Variants in EPHB1 observed in about 807,000 individuals in gnomAD.
The protein encoded by EPHB1 is ephrin type-B receptor 1.
EPHB1 carries 30 observed loss-of-function variants against 94.4 expected under a neutral mutation model. The observed-to-expected ratio is 0.32, with a 90% CI of 0.24 to 0.43. The LOEUF (loss-of-function observed/expected upper bound fraction) is 0.43. Ranked by LOEUF, EPHB1 falls within the 20% of genes least tolerant of loss-of-function variation. The probability of loss-of-function intolerance (pLI) is 1.00; values close to 1 mark genes in which losing one functional copy is unlikely to be tolerated. For synonymous variants in EPHB1, 522 were observed against 489.1 expected (o/e 1.07, Z -0.89); for missense variants, 1,055 against 1,308.3 (o/e 0.81, Z 2.99).
At chr3:134,826,961 G>A (rs2036491533) in intron 1 of EPHB1, among the ~76,000 whole-genome samples, 1 of 152,230 alleles carries the variant, frequency 6.6e-6, no homozygotes, top group East Asian at 1.9e-4. Context: ...CATAGTGCAT[G>A]CAATAGGTTC....
rs755407834 is a variant in EPHB1, at chr3:135,201,453, G to A, written c.2131-21G>A. 5.0e-6 allele frequency: 8 copies of A among 1,612,968 alleles called. No homozygotes were observed. In the African/African-American group the frequency reaches 9.3e-5, roughly 19 times the overall value. ...CATTGAAGCCCGTCTTGATCCCAAT[G>A]CCCTCTATGTCTTATTACAGCAAAA... On this transcript the variant is annotated intron_variant, in intron 11 of 15. Coordinates refer to ENST00000398015, the MANE Select transcript of EPHB1 (RefSeq NM_004441.5).
At chr3:134,822,598 T>C (rs1468180501) in intron 1 of EPHB1, among the ~76,000 whole-genome samples, 1 of 152,232 alleles carries the variant, frequency 6.6e-6, no homozygotes, top group Non-Finnish European at 1.5e-5. Flanking sequence ...GTTCTATTGG[T>C]GAGCAAAGAC....
intron 11 of EPHB1, among the ~76,000 whole-genome samples, chr3:135,198,706 C>T (rs891482310): frequency 2.0e-5 from 3 of 152,186 alleles, no homozygotes; most frequent in Non-Finnish European, 1.5e-5. Context: ...GTTACTTAGG[C>T]TCTGCTGATG....
chr3:134,869,318 G>A (rs1365848966), intron 1 of EPHB1, among the ~76,000 whole-genome samples: 2 of 152,178 alleles, frequency 1.3e-5, no homozygotes, highest in East Asian at 3.8e-4. Context: ...GTTTCTTGTT[G>A]CACCTCTGTT....
chr3:134,875,544 C>T (rs1272305268), intron 1 of EPHB1, among the ~76,000 whole-genome samples: 1 of 152,086 alleles, frequency 6.6e-6, no homozygotes, highest in Non-Finnish European at 1.5e-5. Context: ...CTGTTCTGCC[C>T]CAAGCCTCCA....
At chr3:135,251,415 C>T (rs1386473619) in intron 15 of EPHB1, among the ~76,000 whole-genome samples, 4 of 152,050 alleles carry the variant, frequency 2.6e-5, no homozygotes, top group Admixed American at 6.5e-5. Context: ...GCCATTGTCA[C>T]GTAATCCCCC....
chr3:134,942,309 C>G (rs73861887), intron 2 of EPHB1, among the ~76,000 whole-genome samples: 2 of 151,480 alleles, frequency 1.3e-5, no homozygotes, highest in South Asian at 4.2e-4. Context: ...AAAACTCATA[C>G]GAGCAGGGGA....
In EPHB1 at chr3:134,998,944, A is replaced by G. The variant is rs1336429601; in HGVS notation, c.805+46892A>G. On this transcript the variant is annotated intron_variant, in intron 3 of 15. Transcript: ENST00000398015. ...ACAGGAGGAAGAAGATAAGCCAGGA[A>G]GGGAAACAAAGAAGTCACAGTCAGA... 5.3e-5 allele frequency among the ~76,000 whole-genome samples: 8 copies of G among 152,208 alleles called. No homozygotes were observed. The East Asian group carries it at 1.5e-3, about 29-fold the overall frequency.
chr3:134,918,685 T>C (rs1375570878), intron 1 of EPHB1, among the ~76,000 whole-genome samples: 1 of 152,204 alleles, frequency 6.6e-6, no homozygotes. Flanking sequence ...ACTGCTCACA[T>C]TCTGCTCACT....
chr3:134,927,808 C>T (rs2038823007), intron 2 of EPHB1, among the ~76,000 whole-genome samples: 1 of 152,220 alleles, frequency 6.6e-6, no homozygotes, highest in Non-Finnish European at 1.5e-5. Flanking sequence ...TGCCTTTCCC[C>T]AACACTCATT....
intron 12 of EPHB1, among the ~76,000 whole-genome samples, chr3:135,209,137 C>A (rs1023050093): frequency 6.6e-6 from 1 of 152,074 alleles, no homozygotes; most frequent in Non-Finnish European, 1.5e-5. Flanking sequence ...TATAAATGAA[C>A]AAATAGAAAC....
intron 3 of EPHB1, among the ~76,000 whole-genome samples, chr3:135,035,073 C>A (rs561379785): frequency 3.3e-4 from 50 of 152,344 alleles, no homozygotes; most frequent in African/African-American, 1.0e-3. Context: ...AGTCATTTCT[C>A]AGGCCAGCTT....
intron 1 of EPHB1, among the ~76,000 whole-genome samples, chr3:134,814,559 T>C (rs1202379318): frequency 1.3e-5 from 2 of 152,068 alleles, no homozygotes; most frequent in Non-Finnish European, 2.9e-5. Context: ...TTGATGCTGA[T>C]AGAAAAGGCA....
chr3:135,076,853 G>C (rs1034079355), intron 3 of EPHB1, among the ~76,000 whole-genome samples: 1 of 152,128 alleles, frequency 6.6e-6, no homozygotes, highest in African/African-American at 2.4e-5. Context: ...TGAAAATGTT[G>C]AATGAGTCCT....
intron 1 of EPHB1, among the ~76,000 whole-genome samples, chr3:134,871,286 G>GC: frequency 6.6e-6 from 1 of 152,142 alleles, no homozygotes; most frequent in Non-Finnish European, 1.5e-5. Context: ...TTGCTTGTGT[G>GC]CCCCTGTGTC....
At chr3:135,231,547 G>A (rs536929131) in intron 12 of EPHB1, among the ~76,000 whole-genome samples, 5 of 152,116 alleles carry the variant, frequency 3.3e-5, no homozygotes, top group Non-Finnish European at 5.9e-5. Flanking sequence ...GGGTTTCAGC[G>A]CTCACAAAGC....
chr3:134,813,913 C>G (rs1004535984), intron 1 of EPHB1, among the ~76,000 whole-genome samples: 6 of 152,206 alleles, frequency 3.9e-5, no homozygotes, highest in Non-Finnish European at 8.8e-5. Context: ...ACCTTTTATG[C>G]TCAAAAGCAA....
chr3:135,166,839 G>T, intron 8 of EPHB1, 103 bp from the exon 9 acceptor site: 1 of 1,201,776 alleles, frequency 8.3e-7, no homozygotes, highest in Non-Finnish European at 1.2e-6. Flanking sequence ...CCTGGGAGAT[G>T]CCCCGGGTGA....
chr3:135,232,585 T>C (rs762477378), intron 12 of EPHB1, among the ~76,000 whole-genome samples: 9 of 151,318 alleles, frequency 5.9e-5, no homozygotes, highest in African/African-American at 1.2e-4. Flanking sequence ...CAGATATACT[T>C]GACAGAAACA....
Sources: allele counts gnomAD v4.1 joint callset (sites outside exome capture counted in the v4.1 genomes callset), GRCh38; gene constraint gnomAD v4.1.1; transcripts MANE v1.5; gene names NCBI Gene and HGNC (gene_info 2026-07-23, HGNC 2026-07-21).